The following LRRC4C variants were observed in gnomAD, a reference collection of about 807,000 sequenced individuals.
LRRC4C encodes leucine-rich repeat-containing protein 4C.
LRRC4C carries 5 observed loss-of-function variants against 33.6 expected under a neutral mutation model. The ratio of observed to expected loss-of-function variants is 0.15; its 90% confidence interval spans 0.08 to 0.31. LRRC4C has a LOEUF of 0.31. LRRC4C is among the 10% of genes least tolerant of loss of function. The pLI, the probability that LRRC4C is intolerant of heterozygous loss-of-function variation, is 1.00. For missense variants in LRRC4C, 560 were observed against 796.7 expected, an observed-to-expected ratio of 0.70 and a Z score of 3.58; for synonymous variants, 329 against 302.0, an observed-to-expected ratio of 1.09 and a Z score of -0.93.
At chr11:40,307,880 A>G (rs1182992305) in intron 4 of LRRC4C, among the ~76,000 whole-genome samples, 3 of 152,258 alleles carry the variant, frequency 2.0e-5, no homozygotes, top group Non-Finnish European at 4.4e-5. Flanking sequence ...AATTGAGCCA[A>G]TAGAGGTTTA....
chr11:40,599,418 A>G (rs1219351243), intron 3 of LRRC4C, among the ~76,000 whole-genome samples: 1 of 152,180 alleles, frequency 6.6e-6, no homozygotes, highest in African/African-American at 2.4e-5. Context: ...ACTGCATTTC[A>G]GCCTGGGAGA....
At chr11:40,353,192 T>G (rs946627831) in intron 3 of LRRC4C, among the ~76,000 whole-genome samples, 8 of 152,026 alleles carry the variant, frequency 5.3e-5, no homozygotes, top group Non-Finnish European at 1.0e-4. Context: ...CTACTTACTC[T>G]TTTAGGTCAA....
chr11:41,324,388 C>G (rs1951046064), intron 1 of LRRC4C, among the ~76,000 whole-genome samples: 1 of 152,130 alleles, frequency 6.6e-6, no homozygotes, highest in Non-Finnish European at 1.5e-5. Context: ...CAAGATCATG[C>G]CATTGCACTC....
intron 1 of LRRC4C, among the ~76,000 whole-genome samples, chr11:41,226,995 C>T (rs572080006): frequency 1.3e-5 from 2 of 152,098 alleles, no homozygotes; most frequent in African/African-American, 4.8e-5. Context: ...CAGTCCTCTG[C>T]TTGCATCTTT....
intron 1 of LRRC4C, among the ~76,000 whole-genome samples, chr11:41,098,076 G>T (rs965230378): frequency 3.3e-5 from 5 of 152,116 alleles, no homozygotes; most frequent in Non-Finnish European, 5.9e-5. Context: ...CTCTGGAGGT[G>T]AAGAGTAAGC....
chr11:40,227,855 C>T (rs1864920941), intron 5 of LRRC4C, among the ~76,000 whole-genome samples: 1 of 152,046 alleles, frequency 6.6e-6, no homozygotes, highest in South Asian at 2.1e-4. Flanking sequence ...AAAGGAGGTG[C>T]TATGAAGAGG....
intron 3 of LRRC4C, among the ~76,000 whole-genome samples, chr11:40,556,446 C>T (rs1957336299): frequency 6.6e-6 from 1 of 152,150 alleles, no homozygotes; most frequent in Non-Finnish European, 1.5e-5. Context: ...TTCACTGGTC[C>T]AAAAATGTCT....
chr11:41,451,889 C>T (rs756303362), intron 1 of LRRC4C, among the ~76,000 whole-genome samples: 1 of 151,848 alleles, frequency 6.6e-6, no homozygotes, highest in Non-Finnish European at 1.5e-5. Context: ...GAGTTTTTTC[C>T]TTGTATGTAT....
chr11:40,333,649 G>A (rs141969894), intron 3 of LRRC4C, among the ~76,000 whole-genome samples: 1,582 of 150,900 alleles, frequency 0.01, 101 homozygotes, highest in Admixed American at 0.097. Context: ...CCCGGGAGGC[G>A]GAGGTTGCAG....
chr11:41,021,823 G>T (rs531448142), intron 1 of LRRC4C, among the ~76,000 whole-genome samples: 2 of 151,986 alleles, frequency 1.3e-5, no homozygotes, highest in South Asian at 4.1e-4. Context: ...ATGCATGAAG[G>T]TGTCATATCG....
chr11:40,341,857 T>C (rs1946882247), intron 3 of LRRC4C, among the ~76,000 whole-genome samples: 1 of 152,136 alleles, frequency 6.6e-6, no homozygotes, highest in South Asian at 2.1e-4. Flanking sequence ...TAAATCGATG[T>C]TCCTTGTGCT....
chr11:41,246,547 C>A (rs983539461), intron 1 of LRRC4C, among the ~76,000 whole-genome samples: 2 of 152,272 alleles, frequency 1.3e-5, no homozygotes, highest in Non-Finnish European at 2.9e-5. Context: ...TGGAAGCGGG[C>A]GGGGCTTCCA....
chr11:40,833,166 T>G (rs1209163790), intron 2 of LRRC4C, among the ~76,000 whole-genome samples: 1 of 152,126 alleles, frequency 6.6e-6, no homozygotes, highest in East Asian at 1.9e-4. Flanking sequence ...ATATTCCGTG[T>G]GATAAAAACT....
At chr11:40,981,274 C>A (rs745994999) in intron 1 of LRRC4C, among the ~76,000 whole-genome samples, 1 of 151,966 alleles carries the variant, frequency 6.6e-6, no homozygotes, top group African/African-American at 2.4e-5. Flanking sequence ...CTTAGCCTGG[C>A]GTGGTGGTGT....
intron 1 of LRRC4C, among the ~76,000 whole-genome samples, chr11:41,290,567 A>T (rs1949963527): frequency 6.6e-6 from 1 of 152,146 alleles, no homozygotes; most frequent in Admixed American, 6.5e-5. Flanking sequence ...ATGTGTTCCA[A>T]GTTCATTTAT....
At chr11:40,700,059 G>C (rs9645637) in intron 2 of LRRC4C, among the ~76,000 whole-genome samples, 4 of 151,900 alleles carry the variant, frequency 2.6e-5, no homozygotes, top group African/African-American at 9.6e-5. Flanking sequence ...AAACATTCCC[G>C]GGTGAAGTTA....
chr11:41,361,072 A>C (rs889136711), intron 1 of LRRC4C, among the ~76,000 whole-genome samples: 3 of 152,188 alleles, frequency 2.0e-5, no homozygotes, highest in African/African-American at 7.2e-5. Flanking sequence ...ATTACCAGGC[A>C]GTTTTCCAGA....
intron 2 of LRRC4C, among the ~76,000 whole-genome samples, chr11:40,754,192 T>G (rs1361956494): frequency 6.6e-6 from 1 of 152,098 alleles, no homozygotes; most frequent in Non-Finnish European, 1.5e-5. Flanking sequence ...TCACTGATGT[T>G]TCATCACCAT....
intron 3 of LRRC4C, among the ~76,000 whole-genome samples, chr11:40,510,628 G>T (rs780968400): frequency 2.6e-5 from 4 of 152,082 alleles, no homozygotes; most frequent in East Asian, 1.9e-4. Context: ...GCCTCTATCC[G>T]CAGCAAAATC....
Sources: gnomAD v4.1 joint callset for allele counts (sites outside exome capture counted in the v4.1 genomes callset) on GRCh38, gnomAD v4.1.1 for gene constraint, MANE v1.5 for transcripts, NCBI Gene and HGNC (gene_info 2026-07-23, HGNC 2026-07-21) for gene names.